The following PTPRD variants were observed in gnomAD, a reference collection of about 807,000 sequenced individuals.
The protein encoded by PTPRD is receptor-type tyrosine-protein phosphatase delta.
PTPRD carries 34 observed loss-of-function variants against 214.5 expected under a neutral mutation model. The observed-to-expected ratio is 0.16, with a 90% CI of 0.12 to 0.21. PTPRD has a LOEUF of 0.21. PTPRD is among the 10% of genes least tolerant of loss of function. PTPRD has a pLI of 1.00. For synonymous variants in PTPRD, 1,128 were observed against 845.7 expected (o/e 1.33, Z -5.79); for missense variants, 2,545 against 2,398.7 (o/e 1.06, Z -1.27).
chr9:9,065,929 G>T (rs2099730038), intron 10 of PTPRD, among the ~76,000 whole-genome samples: 1 of 151,996 alleles, frequency 6.6e-6, no homozygotes, highest in African/African-American at 2.4e-5. Flanking sequence ...TAACTTAATG[G>T]TAAAAATTAT....
At chr9:9,431,461 G>A (rs893106198) in intron 8 of PTPRD, among the ~76,000 whole-genome samples, 1 of 152,132 alleles carries the variant, frequency 6.6e-6, no homozygotes, top group Non-Finnish European at 1.5e-5. Context: ...TGGTGGGAGT[G>A]TAAACTAGTT....
intron 34 of PTPRD, 103 bp downstream of exon 34, chr9:8,449,622 A>G (rs1205058471): frequency 4.2e-5 from 44 of 1,057,812 alleles, no homozygotes; most frequent in Non-Finnish European, 5.5e-5. Flanking sequence ...CAGGATGAAC[A>G]AAATGGCTCA....
At chr9:10,513,929 A>G (rs2049129977) in intron 2 of PTPRD, among the ~76,000 whole-genome samples, 1 of 152,172 alleles carries the variant, frequency 6.6e-6, no homozygotes, top group Non-Finnish European at 1.5e-5. Context: ...GCAATGCAAA[A>G]CCGTGGAAAT....
intron 9 of PTPRD, among the ~76,000 whole-genome samples, chr9:9,337,750 T>C (rs943764837): frequency 3.9e-5 from 6 of 152,290 alleles, no homozygotes; most frequent in South Asian, 2.1e-4. Context: ...TGCTGGACAA[T>C]GACCCTTTTC....
At chr9:10,554,860 C>G (rs1295668824) in intron 2 of PTPRD, among the ~76,000 whole-genome samples, 1 of 152,126 alleles carries the variant, frequency 6.6e-6, no homozygotes, top group Admixed American at 6.5e-5. Context: ...GGGGGTTTCA[C>G]TGTGTTAGCC....
At chr9:9,070,116 A>G (rs1181932527) in intron 10 of PTPRD, among the ~76,000 whole-genome samples, 2 of 152,162 alleles carry the variant, frequency 1.3e-5, no homozygotes, top group African/African-American at 4.8e-5. Context: ...TGAGCTTCAT[A>G]ACTCTTAGCA....
intron 10 of PTPRD, among the ~76,000 whole-genome samples, chr9:9,029,967 A>T (rs1212053601): frequency 6.6e-6 from 1 of 152,000 alleles, no homozygotes; most frequent in South Asian, 2.1e-4. Context: ...TCTTTGATGC[A>T]GAGCCAGGAA....
At chr9:8,597,646 T>C (rs575592937) in intron 14 of PTPRD, among the ~76,000 whole-genome samples, 26 of 152,322 alleles carry the variant, frequency 1.7e-4, no homozygotes, top group African/African-American at 5.8e-4. Context: ...TGTTGGGCTC[T>C]AAATCAATAT....
intron 2 of PTPRD, among the ~76,000 whole-genome samples, chr9:10,465,977 A>G (rs910994447): frequency 6.6e-6 from 1 of 152,228 alleles, no homozygotes; most frequent in Non-Finnish European, 1.5e-5. Flanking sequence ...ATCAAAATAC[A>G]GTTTTAGAAC....
chr9:9,524,983 G>C (rs889148125), intron 8 of PTPRD, among the ~76,000 whole-genome samples: 1 of 152,056 alleles, frequency 6.6e-6, no homozygotes. Context: ...TCAGCCTCCC[G>C]AGTAGCGGGG....
chr9:9,518,267 A>C (rs1014551270), intron 8 of PTPRD, among the ~76,000 whole-genome samples: 1 of 152,120 alleles, frequency 6.6e-6, no homozygotes, highest in Non-Finnish European at 1.5e-5. Flanking sequence ...AATGTTAACA[A>C]GCATAAACTT....
chr9:9,777,606 G>A (rs1158825288), intron 5 of PTPRD, among the ~76,000 whole-genome samples: 1 of 152,112 alleles, frequency 6.6e-6, no homozygotes, highest in Non-Finnish European at 1.5e-5. Flanking sequence ...CCGGAGGTGG[G>A]AGAATTGCTT....
rs534954200 is a variant in PTPRD at position 8,315,607 on chromosome 9, G to A, written c.*2267C>T. The A allele has an allele frequency of 4.4e-6, 1 of 229,834 alleles. No individual in the cohort carries two copies. The highest frequency in any genetic ancestry group is 8.6e-6 in the Non-Finnish European group (1 of 115,676). 14.2% of individuals were successfully genotyped at this position (229,834 alleles called of 1,614,324 possible). A position where few individuals can be genotyped will look rare whatever the true frequency, so the allele number is the denominator to read the frequency against. On this transcript the variant is annotated 3_prime_UTR_variant, in exon 46 of 46. Transcript: ENST00000381196. The stretch of plus-strand genomic sequence containing the variant: ...GGTTAGAGAGTCTCATTCTGAGGTA[G>A]CCTTCTAGATACTTTTTTTTAGTAT...
At position 9,881,328 on chromosome 9, in the gene PTPRD, A is replaced by G. The variant is rs919735399; in HGVS notation, c.-368+57179T>C. ...ACTCTACCATCAATTTATTTCTCTC[A>G]CCATTGATGTTTCTATGATTACTAT... On this transcript the variant is annotated intron_variant, in intron 5 of 45. Transcript: ENST00000381196. 1.2e-4 allele frequency among the ~76,000 whole-genome samples: 18 copies of G among 152,160 alleles called. No homozygotes were observed. The South Asian group carries it at 3.3e-3, about 28-fold the overall frequency.
At chr9:10,494,091 A>T (rs1487953984) in intron 2 of PTPRD, among the ~76,000 whole-genome samples, 1 of 151,930 alleles carries the variant, frequency 6.6e-6, no homozygotes, top group Non-Finnish European at 1.5e-5. Flanking sequence ...AACTCCATCA[A>T]GTCGACATCT....
intron 35 of PTPRD, among the ~76,000 whole-genome samples, chr9:8,419,376 A>C (rs186545929): frequency 8.5e-5 from 13 of 152,242 alleles, no homozygotes; most frequent in African/African-American, 3.1e-4. Flanking sequence ...TTATTAAGTG[A>C]TAGATTCAGT....
chr9:9,999,690 G>A (rs968723948), intron 4 of PTPRD, among the ~76,000 whole-genome samples: 3 of 152,182 alleles, frequency 2.0e-5, no homozygotes, highest in African/African-American at 4.8e-5. Flanking sequence ...TCTAATTGCT[G>A]TAATATTTTG....
chr9:8,841,598 A>T (rs1407584381), intron 11 of PTPRD, among the ~76,000 whole-genome samples: 1 of 152,138 alleles, frequency 6.6e-6, no homozygotes, highest in Non-Finnish European at 1.5e-5. Context: ...TTAATACACA[A>T]ATGTATTGTA....
intron 39 of PTPRD, among the ~76,000 whole-genome samples, chr9:8,349,175 G>A (rs1220933303): frequency 6.6e-6 from 1 of 152,176 alleles, no homozygotes; most frequent in Non-Finnish European, 1.5e-5. Context: ...CAAAGATAAA[G>A]TAATGCTTAT....
Sources: gnomAD v4.1 joint callset for allele counts (sites outside exome capture counted in the v4.1 genomes callset) on GRCh38, gnomAD v4.1.1 for gene constraint, MANE v1.5 for transcripts, NCBI Gene and HGNC (gene_info 2026-07-23, HGNC 2026-07-21) for gene names.